ZSWIM6: variants seen among roughly 807,000 people sequenced by gnomAD.
ZSWIM6 encodes the protein zinc finger SWIM-type containing 6.
A neutral mutation model predicts 113.2 loss-of-function variants in ZSWIM6; 9 were observed. That is an observed-to-expected ratio of 0.08 (90% CI 0.05 to 0.14). The LOEUF (loss-of-function observed/expected upper bound fraction) is 0.14. ZSWIM6 is among the 10% of genes least tolerant of loss of function. ZSWIM6 has a pLI of 1.00. For missense variants in ZSWIM6, 1,162 were observed against 1,552.2 expected, an observed-to-expected ratio of 0.75 and a Z score of 4.22; for synonymous variants, 611 against 606.5, an observed-to-expected ratio of 1.01 and a Z score of -0.11.
chr5:61,475,135 A>C (rs1404604692), intron 2 of ZSWIM6, among the ~76,000 whole-genome samples: 1 of 152,166 alleles, frequency 6.6e-6, no homozygotes, highest in African/African-American at 2.4e-5. Context: ...GTGGCTTCTT[A>C]TTAAATTGTT....
At chr5:61,466,789 T>C (rs1434462075) in intron 1 of ZSWIM6, among the ~76,000 whole-genome samples, 6 of 152,146 alleles carry the variant, frequency 3.9e-5, no homozygotes, top group Non-Finnish European at 8.8e-5. Flanking sequence ...CCCTTTTTTT[T>C]CAGTCTGATA....
chr5:61,363,422 AG>A (rs1164200952), intron 1 of ZSWIM6, among the ~76,000 whole-genome samples: 26 of 152,362 alleles, frequency 1.7e-4, no homozygotes, highest in African/African-American at 6.3e-4. Flanking sequence ...AAGATTTTAT[AG>A]TACTTACCTT....
At chr5:61,474,438 G>A (rs1241205107) in intron 2 of ZSWIM6, among the ~76,000 whole-genome samples, 2 of 152,138 alleles carry the variant, frequency 1.3e-5, no homozygotes, top group African/African-American at 2.4e-5. Flanking sequence ...TTTAAGAAGT[G>A]AAAAGAAACA....
At chr5:61,379,500 C>T (rs1745435648) in intron 1 of ZSWIM6, among the ~76,000 whole-genome samples, 1 of 152,038 alleles carries the variant, frequency 6.6e-6, no homozygotes. Flanking sequence ...TTTCATTTTT[C>T]CAAAGGGTCT....
intron 12 of ZSWIM6, among the ~76,000 whole-genome samples, chr5:61,540,501 T>G (rs1749699701): frequency 6.6e-6 from 1 of 152,150 alleles, no homozygotes; most frequent in Admixed American, 6.5e-5. Context: ...AATCTGGTGT[T>G]TTAGTTGTGG....
chr5:61,494,172 A>C, intron 3 of ZSWIM6, 88 bp from the exon 4 acceptor site: 1 of 1,361,308 alleles, frequency 7.3e-7, no homozygotes, highest in Non-Finnish European at 1.0e-6. Flanking sequence ...AAACAGAGAA[A>C]AGTGGTGGTT....
chr5:61,373,784 T>TA (rs1204874851), intron 1 of ZSWIM6, among the ~76,000 whole-genome samples: 2 of 152,182 alleles, frequency 1.3e-5, no homozygotes, highest in African/African-American at 2.4e-5. Context: ...TATCATATCT[T>TA]ACTCCCCCCC....
chr5:61,426,555 A>C (rs1045503891), intron 1 of ZSWIM6, among the ~76,000 whole-genome samples: 2 of 152,168 alleles, frequency 1.3e-5, no homozygotes, highest in East Asian at 3.9e-4. Context: ...ACTTTTAACT[A>C]ATCTGTTCAT....
Position 61,384,853 on chromosome 5 carries a change from C to G in ZSWIM6, c.676+51905C>G, listed in dbSNP as rs537334716. ...CAGGCGGATCACGAGGTCAGGAGATCGAGACCATCCTGGCTAACATGGTGA... is the reference window on the plus strand; with the variant it reads ...CAGGCGGATCACGAGGTCAGGAGATGGAGACCATCCTGGCTAACATGGTGA... On this transcript the variant is annotated intron_variant, in intron 1 of 13. Transcript: ENST00000252744. Among the ~76,000 whole-genome samples, 7 of 152,160 alleles carry G rather than the reference C, an allele frequency of 4.6e-5. No individual in the cohort carries two copies. In the South Asian group the frequency reaches 1.0e-3, roughly 23 times the overall value.
At chr5:61,372,028 G>A (rs1428079851) in intron 1 of ZSWIM6, among the ~76,000 whole-genome samples, 1 of 147,004 alleles carries the variant, frequency 6.8e-6, no homozygotes, top group African/African-American at 2.5e-5. Flanking sequence ...TTTTTTTGTT[G>A]ATTTATTATC....
At chr5:61,526,052 G>C in intron 6 of ZSWIM6, 76 bp downstream of exon 6, 1 of 1,500,556 alleles carries the variant, frequency 6.7e-7, no homozygotes, top group Admixed American at 2.0e-5. Context: ...TGGAATGGGA[G>C]GTGGAGAACT....
Position 61,541,009 on chromosome 5 carries a change from T to C in ZSWIM6, c.2704-875T>C, listed in dbSNP as rs1219599560. On this transcript the variant is annotated intron_variant, in intron 12 of 13. Coordinates refer to ENST00000252744, the MANE Select transcript of ZSWIM6 (RefSeq NM_020928.2). ...CCCAGGCTGGAGTGCAGGGGTACAATCTCAGCTCACTGCAACCTCTGCCTC... is the reference window on the plus strand; with the variant it reads ...CCCAGGCTGGAGTGCAGGGGTACAACCTCAGCTCACTGCAACCTCTGCCTC... 1.4e-3 allele frequency among the ~76,000 whole-genome samples: 202 copies of C among 146,988 alleles called. 1 individual carries two copies. Among genetic ancestry groups the C allele is most frequent in the African/African-American group, 4.8e-3 (191 of 39,728 alleles).
intron 8 of ZSWIM6, among the ~76,000 whole-genome samples, chr5:61,531,075 A>G (rs2112276376): frequency 6.6e-6 from 1 of 152,318 alleles, no homozygotes; most frequent in African/African-American, 2.4e-5. Flanking sequence ...TACTGTTTTT[A>G]TTATGGAAAC....
chr5:61,336,842 G>A (rs2112020803), intron 1 of ZSWIM6, among the ~76,000 whole-genome samples: 1 of 152,324 alleles, frequency 6.6e-6, no homozygotes, highest in South Asian at 2.1e-4. Context: ...AATATTTACA[G>A]CACATTGGAC....
Position 61,332,586 on chromosome 5 carries a change from T to C in ZSWIM6, c.314T>C (p.Val105Ala), listed in dbSNP as rs1283738148. 3.0e-6 allele frequency: 4 copies of C among 1,346,622 alleles called. No homozygotes were observed. Among genetic ancestry groups the C allele is most frequent in the Non-Finnish European group, 3.9e-6 (4 of 1,020,516 alleles). 83.4% of individuals were successfully genotyped at this position (1,346,622 alleles called of 1,614,324 possible). ...EERFERIPEP[V>A]QRRIVYWSFP... is the part of the protein sequence containing the mutation. Reference sequence around the variant, plus strand: ...CGCTTTGAGCGCATCCCGGAGCCGGTGCAGCGCCGCATAGTCTATTGGTCC... The same window carrying C: ...CGCTTTGAGCGCATCCCGGAGCCGGCGCAGCGCCGCATAGTCTATTGGTCC... Residue 105 changes from valine (V) to alanine (A), a missense_variant, in exon 1 of 14, where the codon GTG becomes GCG. Transcript: ENST00000252744.
At chr5:61,363,051 A>C (rs1416661756) in intron 1 of ZSWIM6, among the ~76,000 whole-genome samples, 1 of 152,214 alleles carries the variant, frequency 6.6e-6, no homozygotes, top group Non-Finnish European at 1.5e-5. Flanking sequence ...GGAACCCACT[A>C]TTTGAAAAAC....
At chr5:61,470,449 A>G (rs1037537257) in intron 1 of ZSWIM6, among the ~76,000 whole-genome samples, 1 of 152,170 alleles carries the variant, frequency 6.6e-6, no homozygotes, top group Non-Finnish European at 1.5e-5. Flanking sequence ...GTTTTTAATT[A>G]TTATAGGTTT....
At chr5:61,415,055 T>C (rs1164507579) in intron 1 of ZSWIM6, among the ~76,000 whole-genome samples, 1 of 152,202 alleles carries the variant, frequency 6.6e-6, no homozygotes, top group Non-Finnish European at 1.5e-5. Context: ...AGCCAGCAAA[T>C]GCCATTCCCA....
chr5:61,492,187 C>T (rs751195119), intron 3 of ZSWIM6, among the ~76,000 whole-genome samples: 3 of 151,832 alleles, frequency 2.0e-5, no homozygotes, highest in Non-Finnish European at 4.4e-5. Context: ...GGTTAGAAAT[C>T]TACCAGAAAA....
Sources: gnomAD v4.1 joint callset for allele counts (sites outside exome capture counted in the v4.1 genomes callset) on GRCh38, gnomAD v4.1.1 for gene constraint, MANE v1.5 for transcripts, NCBI Gene and HGNC (gene_info 2026-07-23, HGNC 2026-07-21) for gene names.